PI4KB: variants seen among roughly 807,000 people sequenced by gnomAD.
The protein encoded by PI4KB is PtdIns 4-kinase beta.
PI4KB carries 23 observed loss-of-function variants against 81.4 expected under a neutral mutation model. That is an observed-to-expected ratio of 0.28 (90% CI 0.20 to 0.40). The LOEUF (loss-of-function observed/expected upper bound fraction) is 0.40, where lower values mean the gene tolerates loss of function less well. PI4KB is among the 10% of genes least tolerant of loss of function. PI4KB has a pLI of 1.00. For missense variants in PI4KB, 651 were observed against 1,036.6 expected (o/e 0.63, Z 5.11); for synonymous variants, 381 against 406.8 (o/e 0.94, Z 0.76).
In PI4KB at chr1:151,322,015, C is replaced by T. The variant is rs575844547; in HGVS notation, c.-29+5256G>A. On this transcript the variant is annotated intron_variant, in intron 1 of 11. Coordinates refer to ENST00000368873, the MANE Select transcript of PI4KB (RefSeq NM_001369623.2). ...AGTCAGAGGAATAAGAAAAAAGTGACGGAAGACAATCTAAATTTTTAATAT... is the reference window on the plus strand; with the variant it reads ...AGTCAGAGGAATAAGAAAAAAGTGATGGAAGACAATCTAAATTTTTAATAT... 7.2e-5 allele frequency among the ~76,000 whole-genome samples: 11 copies of T among 151,998 alleles called. 1 individual carries two copies. The highest frequency in any genetic ancestry group is 3.9e-4 in the East Asian group (2 of 5,164).
chr1:151,319,949 C>A (rs546691415), intron 1 of PI4KB, among the ~76,000 whole-genome samples: 3 of 152,330 alleles, frequency 2.0e-5, no homozygotes, highest in Admixed American at 2.0e-4. Flanking sequence ...ATAAGGAGGC[C>A]TAGAGATTCT....
At chr1:151,299,277 G>T (rs1695052635) in intron 8 of PI4KB, among the ~76,000 whole-genome samples, 1 of 152,112 alleles carries the variant, frequency 6.6e-6, no homozygotes, top group Admixed American at 6.6e-5. Flanking sequence ...CTACACTCAG[G>T]TATGTGGGAA....
chr1:151,312,959 A>G (rs1647335186), intron 2 of PI4KB, among the ~76,000 whole-genome samples: 2 of 152,210 alleles, frequency 1.3e-5, no homozygotes, highest in South Asian at 4.1e-4. Flanking sequence ...TAAAGGCTAC[A>G]GTGAGCTATG....
chr1:151,296,620 G>A (rs1424640248), intron 9 of PI4KB, among the ~76,000 whole-genome samples: 2 of 151,582 alleles, frequency 1.3e-5, no homozygotes, highest in African/African-American at 2.4e-5. Flanking sequence ...ACAGGCGCCC[G>A]CCACCACACC....
chr1:151,297,289 A>G (rs932187040), intron 9 of PI4KB, among the ~76,000 whole-genome samples: 1 of 150,710 alleles, frequency 6.6e-6, no homozygotes, highest in African/African-American at 2.4e-5. Context: ...TATGTTGCCT[A>G]GGCTAGTCTC....
In PI4KB at chr1:151,315,840, C is replaced by T. The variant is rs1317524835; in HGVS notation, c.642G>A (p.Leu214=). Residue 214 remains leucine, a synonymous_variant, in exon 2 of 12, where the codon CTG becomes CTA. Transcript: ENST00000368873. The part of the protein sequence containing the change: ...QSINFSLQCA[L]LLGAYSSDMH... ...TGTCTGAAGAATAGGCCCCAAGCAA[C>T]AGGGCACACTGGAGGGAAAAGTTAA... 1 of 1,613,862 alleles carries T rather than the reference C, an allele frequency of 6.2e-7. No individual in the cohort carries two copies. Among genetic ancestry groups the T allele is most frequent in the South Asian group, 1.1e-5 (1 of 91,046 alleles).
intron 2 of PI4KB, 39 bp from the exon 3 acceptor site, chr1:151,310,294 TG>T: frequency 1.5e-6 from 1 of 652,452 alleles, no homozygotes; most frequent in Non-Finnish European, 2.5e-6. Flanking sequence ...AAGGAGGGGG[TG>T]GGAAGGGAGG....
intron 5 of PI4KB, among the ~76,000 whole-genome samples, chr1:151,305,370 T>G (rs587688091): frequency 6.2e-4 from 94 of 152,324 alleles, no homozygotes; most frequent in African/African-American, 2.0e-3. Context: ...TATAGTCTGG[T>G]CCATGCCCAC....
At chr1:151,296,252 C>T (rs1290658199) in intron 9 of PI4KB, among the ~76,000 whole-genome samples, 2 of 152,090 alleles carry the variant, frequency 1.3e-5, no homozygotes, top group East Asian at 1.9e-4. Flanking sequence ...GTCTCACACA[C>T]ACACACAAAA....
In PI4KB at chr1:151,307,051, C is replaced by T. The variant is rs143829737; in HGVS notation, c.1182+523G>A. Among the ~76,000 whole-genome samples, 38 of 151,984 alleles carry T rather than the reference C, an allele frequency of 2.5e-4. No individual in the cohort carries two copies. The East Asian group carries it at 6.4e-3, about 26-fold the overall frequency. The stretch of plus-strand genomic sequence containing the variant: ...GATTGTGCCACTGCACTCCAGCCTC[C>T]GCAATAGAGTGAGACTCCATCTCAA... On this transcript the variant is annotated intron_variant, in intron 4 of 11. Coordinates refer to ENST00000368873, the MANE Select transcript of PI4KB (RefSeq NM_001369623.2).
chr1:151,318,037 G>A (rs566027042), intron 1 of PI4KB, among the ~76,000 whole-genome samples: 1 of 151,934 alleles, frequency 6.6e-6, no homozygotes, highest in Admixed American at 6.6e-5. Flanking sequence ...AGCTTTGAAC[G>A]CCTGGCCTCA....
Position 151,292,720 on chromosome 1 carries a change from G to C in PI4KB, c.*132C>G. On this transcript the variant is annotated 3_prime_UTR_variant, in exon 12 of 12. Transcript: ENST00000368873. ...TCTCGCAGTTACCACATGATCCTTC[G>C]TGTTTCTTGCCTTCCATTTCCCTTG... The C allele has an allele frequency of 5.0e-6, 4 of 801,550 alleles. No homozygotes were observed. The highest frequency in any genetic ancestry group is 3.9e-6 in the Non-Finnish European group (2 of 515,216). The allele number at this position is 801,550 out of a possible 1,614,324, so 49.7% of individuals were successfully genotyped here.
intron 2 of PI4KB, among the ~76,000 whole-genome samples, chr1:151,311,123 G>T (rs991067929): frequency 2.0e-5 from 3 of 152,102 alleles, no homozygotes; most frequent in Non-Finnish European, 2.9e-5. Context: ...GCAAAAACAG[G>T]GGAAAGAGAT....
At chr1:151,294,179 C>T (rs1478797684) in intron 10 of PI4KB, 41 bp from the exon 11 acceptor site, 3 of 1,592,374 alleles carry the variant, frequency 1.9e-6, no homozygotes, top group Admixed American at 1.7e-5. Context: ...AGGGGTCTTA[C>T]ACCGGGGATG....
intron 9 of PI4KB, 96 bp from the exon 10 acceptor site, chr1:151,294,637 AG>A (rs1045477409): frequency 3.3e-6 from 4 of 1,196,002 alleles, no homozygotes; most frequent in African/African-American, 3.0e-5. Flanking sequence ...GACACCAGGG[AG>A]GGGGGTCCCC....
At chr1:151,319,927 T>C (rs980557228) in intron 1 of PI4KB, among the ~76,000 whole-genome samples, 1 of 152,360 alleles carries the variant, frequency 6.6e-6, no homozygotes, top group Middle Eastern at 3.4e-3. Flanking sequence ...GCATATACTT[T>C]GGGTAGGTGG....
At chr1:151,309,689 A>G (rs959602645) in intron 3 of PI4KB, among the ~76,000 whole-genome samples, 5 of 152,344 alleles carry the variant, frequency 3.3e-5, no homozygotes, top group Non-Finnish European at 5.9e-5. Context: ...GAAGTTAAAA[A>G]AGAAAACCAG....
intron 8 of PI4KB, 63 bp downstream of exon 8, chr1:151,301,781 C>T: frequency 9.2e-6 from 14 of 1,521,722 alleles, no homozygotes; most frequent in Non-Finnish European, 1.3e-5. Flanking sequence ...ATCCACCCGC[C>T]TCGGCCTCCC....
chr1:151,296,474 CTTTTTT>C (rs112982041), intron 9 of PI4KB, among the ~76,000 whole-genome samples: 1 of 143,304 alleles, frequency 7.0e-6, no homozygotes, highest in East Asian at 2.0e-4. Flanking sequence ...TGCTAGATTT[CTTTTTT>C]TTTTTTTTGA....
Sources: gnomAD v4.1 joint callset for allele counts (sites outside exome capture counted in the v4.1 genomes callset) on GRCh38, gnomAD v4.1.1 for gene constraint, MANE v1.5 for transcripts, NCBI Gene and HGNC (gene_info 2026-07-23, HGNC 2026-07-21) for gene names.